The following PIK3C2A variants were observed in gnomAD, a reference collection of about 807,000 sequenced individuals.
PIK3C2A encodes the protein phosphatidylinositol-4-phosphate 3-kinase catalytic subunit type 2 alpha.
PIK3C2A carries 97 observed loss-of-function variants against 204.5 expected under a neutral mutation model. The observed-to-expected ratio is 0.47, with a 90% CI of 0.40 to 0.56. The LOEUF is 0.56. Ranked by LOEUF, PIK3C2A falls within the 20% of genes least tolerant of loss-of-function variation. The probability of loss-of-function intolerance (pLI) is 0.00; values close to 1 mark genes in which losing one functional copy is unlikely to be tolerated. For synonymous variants in PIK3C2A, 653 were observed against 664.4 expected (o/e 0.98, Z 0.26); for missense variants, 1,735 against 1,969.2 (o/e 0.88, Z 2.25).
intron 18 of PIK3C2A, 135 bp from the exon 19 acceptor site, chr11:17,117,806 C>A (rs530385916): frequency 7.6e-6 from 4 of 525,032 alleles, no homozygotes; most frequent in Non-Finnish European, 1.3e-5. Flanking sequence ...CTCTGCCTCC[C>A]GGGTTCACGC....
chr11:17,164,316 C>T (rs1367593869), intron 2 of PIK3C2A, among the ~76,000 whole-genome samples: 1 of 149,242 alleles, frequency 6.7e-6, no homozygotes, highest in African/African-American at 2.5e-5. Context: ...CGCACTGCTG[C>T]ACTCCACCCT....
intron 3 of PIK3C2A, 24 bp downstream of exon 3, chr11:17,155,502 C>T (rs1161014991): frequency 3.0e-6 from 4 of 1,342,174 alleles, no homozygotes; most frequent in Admixed American, 1.8e-5. Flanking sequence ...TTCAAATGAA[C>T]ATTTATAAAG....
chr11:17,201,892 T>C (rs1295889916), intron 1 of PIK3C2A, among the ~76,000 whole-genome samples: 3 of 152,202 alleles, frequency 2.0e-5, no homozygotes, highest in African/African-American at 7.2e-5. Context: ...ACTATTTCTT[T>C]ATACACTCCA....
intron 20 of PIK3C2A, 58 bp downstream of exon 20, chr11:17,114,303 T>C (rs766599608): frequency 1.2e-5 from 11 of 911,798 alleles, no homozygotes; most frequent in Non-Finnish European, 1.6e-5. Context: ...CCTGCCCATT[T>C]GCCTTCTTCC....
intron 24 of PIK3C2A, among the ~76,000 whole-genome samples, chr11:17,102,165 G>T (rs573825444): frequency 6.6e-6 from 1 of 152,164 alleles, no homozygotes; most frequent in South Asian, 2.1e-4. Flanking sequence ...AGCTGCGCAT[G>T]GTGGCTCACG....
intron 28 of PIK3C2A, 88 bp downstream of exon 28, chr11:17,094,173 A>G: frequency 1.1e-6 from 1 of 917,672 alleles, no homozygotes; most frequent in Non-Finnish European, 1.6e-6. Flanking sequence ...ATAATATCTT[A>G]CTAAGTGTTA....
chr11:17,138,140 G>C (rs1012053698), intron 8 of PIK3C2A: 20 of 776,896 alleles, frequency 2.6e-5, no homozygotes, highest in Non-Finnish European at 4.2e-5. Context: ...ATCTCATAAG[G>C]GCTTTAGGTC....
chr11:17,169,607 A>G lies in PIK3C2A; in HGVS notation c.135T>C (p.Asp45=), dbSNP rs993710902. The change falls in exon 2 of 33, where the codon GAT becomes GAC. Residue 45 remains aspartate (D), a synonymous_variant. Transcript: ENST00000691414. ...EAEALAKLQK[D]RQVTDNQRGF... ...CTCTCTGATTGTCAGTCACTTGTCTATCCTTTTGCAGTTTTGCTAAAGCCT... is the reference window on the plus strand; with the variant it reads ...CTCTCTGATTGTCAGTCACTTGTCTGTCCTTTTGCAGTTTTGCTAAAGCCT... The G allele has an allele frequency of 1.2e-5, 20 of 1,613,918 alleles. No individual in the cohort carries two copies. The highest frequency in any genetic ancestry group is 1.5e-5 in the Non-Finnish European group (18 of 1,180,036).
chr11:17,185,193 A>T (rs665311), intron 1 of PIK3C2A, among the ~76,000 whole-genome samples: 36,115 of 151,910 alleles, frequency 0.24, 5,261 homozygotes, highest in East Asian at 0.38. Context: ...TTCTATGTTT[A>T]GATACGCAAA....
At chr11:17,126,950 AAGAAGGTTTTC>A (rs1849547629) in intron 13 of PIK3C2A, among the ~76,000 whole-genome samples, 1 of 152,220 alleles carries the variant, frequency 6.6e-6, no homozygotes, top group Non-Finnish European at 1.5e-5. Flanking sequence ...TTTCAAGAGC[AAGAAGGTTTTC>A]AGAATTTATT....
chr11:17,118,494 G>T, intron 18 of PIK3C2A, 151 bp downstream of exon 18: 1 of 503,858 alleles, frequency 2.0e-6, no homozygotes, highest in Non-Finnish European at 3.5e-6. Context: ...TTGCATTAGA[G>T]GGTAAATTTA....
Position 17,088,011 on chromosome 11 carries a change from AG to A in PIK3C2A, c.*1726del, listed in dbSNP as rs1249569112. ...CACCATTTACATTAAACATTTGTGC[AG>A]TTCATAAAAATTCTGTTCTGGGAAA... On this transcript the variant is annotated 3_prime_UTR_variant, in exon 33 of 33. Transcript: ENST00000691414. The A allele has an allele frequency of 1.3e-5, 2 of 152,122 alleles. No homozygotes were observed. The highest frequency in any genetic ancestry group is 1.3e-4 in the Admixed American group (2 of 15,262). 9.4% of individuals were successfully genotyped at this position (152,122 alleles called of 1,614,324 possible). A position where few individuals can be genotyped will look rare whatever the true frequency, so the allele number is the denominator to read the frequency against.
intron 22 of PIK3C2A, among the ~76,000 whole-genome samples, chr11:17,108,690 T>C (rs914365431): frequency 6.6e-6 from 1 of 152,186 alleles, no homozygotes; most frequent in Non-Finnish European, 1.5e-5. Context: ...TAGCAGAAGC[T>C]GGTATGATGA....
intron 1 of PIK3C2A, among the ~76,000 whole-genome samples, chr11:17,191,817 T>C (rs189049566): frequency 2.0e-5 from 3 of 152,130 alleles, no homozygotes; most frequent in African/African-American, 7.2e-5. Context: ...TTTAGGTTCA[T>C]TTAATGATGA....
At chr11:17,137,091 T>C (rs1439752134) in intron 8 of PIK3C2A, among the ~76,000 whole-genome samples, 1 of 152,224 alleles carries the variant, frequency 6.6e-6, no homozygotes, top group East Asian at 1.9e-4. Flanking sequence ...CATTCTTATA[T>C]AATGTATTAA....
At chr11:17,093,671 T>C (rs182265395) in intron 28 of PIK3C2A, among the ~76,000 whole-genome samples, 1 of 151,792 alleles carries the variant, frequency 6.6e-6, no homozygotes, top group Admixed American at 6.6e-5. Context: ...AGGGTCTCAT[T>C]CTGTCACCCA....
chr11:17,176,697 G>C (rs978622415), intron 1 of PIK3C2A, among the ~76,000 whole-genome samples: 7 of 151,928 alleles, frequency 4.6e-5, no homozygotes, highest in African/African-American at 1.7e-4. Flanking sequence ...GAGGTGGGAG[G>C]AACACTTGAG....
At chr11:17,101,845 C>A (rs779094020) in intron 24 of PIK3C2A, among the ~76,000 whole-genome samples, 28 of 151,776 alleles carry the variant, frequency 1.8e-4, no homozygotes, top group African/African-American at 6.3e-4. Context: ...CCTTGTGATC[C>A]GCCCGCCTTG....
rs1260349851 is a variant in PIK3C2A, at chr11:17,176,882, CTCTA to C, written c.-65-7080_-65-7077del. On this transcript the variant is annotated intron_variant, in intron 1 of 32. Transcript: ENST00000691414. ...AAAACTGCAGCAAATATCTGCATATCTCTATCTATGTATAGAGATATATAGATAC... is the reference window on the plus strand; with the variant it reads ...AAAACTGCAGCAAATATCTGCATATCTCTATGTATAGAGATATATAGATAC... Among the ~76,000 whole-genome samples, 11 of 152,304 alleles carry C rather than the reference CTCTA, an allele frequency of 7.2e-5. No homozygotes were observed. The East Asian group carries it at 7.7e-4, about 11-fold the overall frequency.
Sources: gnomAD v4.1 joint callset for allele counts (sites outside exome capture counted in the v4.1 genomes callset) on GRCh38, gnomAD v4.1.1 for gene constraint, MANE v1.5 for transcripts, NCBI Gene and HGNC (gene_info 2026-07-23, HGNC 2026-07-21) for gene names.